The following ANKRD54 variants were observed in gnomAD, a reference collection of about 807,000 sequenced individuals.
The protein encoded by ANKRD54 is ankyrin repeat domain-containing protein 54.
In ANKRD54, 26 loss-of-function variants were observed where a neutral mutation model predicts 36.2. The observed-to-expected ratio is 0.72, with a 90% CI of 0.53 to 1.00. ANKRD54 has a LOEUF of 1.00. Ranked by LOEUF, ANKRD54 falls within the 50% of genes least tolerant of loss-of-function variation. ANKRD54 has a pLI of 0.00. For synonymous variants in ANKRD54, 209 were observed against 188.4 expected, an observed-to-expected ratio of 1.11 and a Z score of -0.89; for missense variants, 384 against 424.3, an observed-to-expected ratio of 0.91 and a Z score of 0.83.
At chr22:37,835,110 C>T (rs559425845) in intron 3 of ANKRD54, among the ~76,000 whole-genome samples, 196 of 152,134 alleles carry the variant, frequency 1.3e-3, no homozygotes, top group African/African-American at 4.7e-3. Flanking sequence ...CGCCTGTAAT[C>T]CCAGCACTTT....
upstream of ANKRD54, among the ~76,000 whole-genome samples, chr22:37,846,517 C>T (rs945426734): frequency 3.3e-5 from 5 of 152,128 alleles, no homozygotes; most frequent in Non-Finnish European, 2.9e-5. Flanking sequence ...TTTGTTCAGG[C>T]TGGTCTTGAA....
intron 1 of ANKRD54, 85 bp downstream of exon 1, chr22:37,843,826 C>T (rs1924589127): frequency 1.9e-6 from 2 of 1,047,972 alleles, no homozygotes; most frequent in East Asian, 4.0e-5. Context: ...CGGGGGCGAC[C>T]AAAGCGCGGC....
At chr22:37,847,678 C>T, upstream of ANKRD54, 1 of 483,844 alleles carries the variant, frequency 2.1e-6, no homozygotes, top group Non-Finnish European at 4.1e-6. Flanking sequence ...AAGCAAAGGA[C>T]CATGAGGACA....
At position 37,831,738 on chromosome 22, in the gene ANKRD54, T is replaced by C; in HGVS notation, c.*205A>G. On this transcript the variant is annotated 3_prime_UTR_variant, in exon 8 of 8. Coordinates refer to ENST00000215941, the MANE Select transcript of ANKRD54 (RefSeq NM_138797.4). ...AAGAAGCTGGGAGCTGTGGTCCCTG[T>C]CCACAGAGATGCTGGAAACTGTGGC... 3.4e-6 allele frequency: 2 copies of C among 585,038 alleles called. No homozygotes were observed. The highest frequency in any genetic ancestry group is 4.2e-5 in the South Asian group (2 of 47,792). The allele number at this position is 585,038 out of a possible 1,614,324, so 36.2% of individuals were successfully genotyped here. A position where few individuals can be genotyped will look rare whatever the true frequency, so the allele number is the denominator to read the frequency against.
upstream of ANKRD54, chr22:37,847,897 G>A (rs895617198): frequency 2.6e-5 from 7 of 273,976 alleles, no homozygotes; most frequent in African/African-American, 1.4e-4. Flanking sequence ...ATAGGATGTT[G>A]AGTGGATGGC....
At chr22:37,833,236 C>G in intron 4 of ANKRD54, 30 bp from the exon 5 acceptor site, 1 of 1,611,168 alleles carries the variant, frequency 6.2e-7, no homozygotes, top group Non-Finnish European at 8.5e-7. Flanking sequence ...ACTTAAGAAT[C>G]CAGGACCACC....
At chr22:37,840,161 T>C in intron 2 of ANKRD54, 26 bp downstream of exon 2, 3 of 1,613,970 alleles carry the variant, frequency 1.9e-6, no homozygotes, top group Non-Finnish European at 2.5e-6. Context: ...TGGGACCCTG[T>C]AGCTGGACCT....
At chr22:37,841,875 A>C (rs1318893547) in intron 1 of ANKRD54, among the ~76,000 whole-genome samples, 1 of 60,314 alleles carries the variant, frequency 1.7e-5, no homozygotes, top group Non-Finnish European at 2.7e-5. Flanking sequence ...AAATAAATAA[A>C]TAAATAAATA....
At chr22:37,833,893 T>C in intron 3 of ANKRD54, 138 bp from the exon 4 acceptor site, 1 of 697,886 alleles carries the variant, frequency 1.4e-6, no homozygotes, top group Non-Finnish European at 2.5e-6. Flanking sequence ...CTTCATTCAT[T>C]CACTCACTCA....
In ANKRD54 at chr22:37,840,190, T is replaced by C; in HGVS notation, c.373A>G (p.Thr125Ala). The change falls in exon 2 of 8, where the codon ACA becomes GCA. Residue 125 changes from threonine to alanine, a missense_variant. By Grantham distance (58) the Thr-to-Ala change is moderately conservative (BLOSUM62 0). Transcript: ENST00000215941. ...RDSANANDVE[T>A]VQQLLEDGAD... ...TGGACCTACTGTGCACACTCACCTG[T>C]TTCCACATCATTGGCATTGGCCGAG... is the stretch of plus-strand genomic sequence containing the variant. The C allele has an allele frequency of 1.2e-6, 2 of 1,614,072 alleles. No individual in the cohort carries two copies. Among genetic ancestry groups the C allele is most frequent in the Non-Finnish European group, 1.7e-6 (2 of 1,179,952 alleles).
chr22:37,842,298 T>C (rs1309577243), intron 1 of ANKRD54, among the ~76,000 whole-genome samples: 2 of 152,138 alleles, frequency 1.3e-5, no homozygotes, highest in Non-Finnish European at 2.9e-5. Flanking sequence ...AAGGAGAAAC[T>C]TGAAATGAGG....
chr22:37,844,806 G>C (rs1924735536), upstream of ANKRD54, among the ~76,000 whole-genome samples: 1 of 152,126 alleles, frequency 6.6e-6, no homozygotes, highest in Non-Finnish European at 1.5e-5. Context: ...TTGATCTCGA[G>C]ATGTGCCGGC....
upstream of ANKRD54, among the ~76,000 whole-genome samples, chr22:37,847,150 G>C (rs1161338996): frequency 3.3e-5 from 5 of 150,718 alleles, no homozygotes; most frequent in East Asian, 5.9e-4. Context: ...ACCGCGCCCG[G>C]CCAATTTCTT....
Position 37,838,497 on chromosome 22 carries a change from C to T in ANKRD54, c.475+3G>A. 6.2e-7 allele frequency: 1 copy of T among 1,610,206 alleles called. No individual in the cohort carries two copies. Among genetic ancestry groups the T allele is most frequent in the Non-Finnish European group, 8.5e-7 (1 of 1,178,362 alleles). On this transcript the variant is annotated splice_donor_region_variant and intron_variant, in intron 3 of 7. Coordinates refer to ENST00000215941, the MANE Select transcript of ANKRD54 (RefSeq NM_138797.4). ...TACTCCCTCCTCCCTCCCCAGGACTCACCAATCTGGTCATTGCCATTGCAT... is the reference window on the plus strand; with the variant it reads ...TACTCCCTCCTCCCTCCCCAGGACTTACCAATCTGGTCATTGCCATTGCAT...
chr22:37,840,282 G>A (rs1428693997), intron 1 of ANKRD54, 48 bp from the exon 2 acceptor site: 4 of 1,602,802 alleles, frequency 2.5e-6, no homozygotes, highest in East Asian at 2.2e-5. Flanking sequence ...GCCATGGCTG[G>A]GTGCGGTGGC....
chr22:37,846,610 T>A (rs1435435014), upstream of ANKRD54, among the ~76,000 whole-genome samples: 1 of 151,376 alleles, frequency 6.6e-6, no homozygotes, highest in African/African-American at 2.4e-5. Context: ...TGGGCCCCAA[T>A]TTTTTTTTAA....
chr22:37,846,053 T>C (rs891153757), upstream of ANKRD54, among the ~76,000 whole-genome samples: 1 of 151,418 alleles, frequency 6.6e-6, no homozygotes, highest in Non-Finnish European at 1.5e-5. Flanking sequence ...TGGGCACCTT[T>C]AGTCCCAGCT....
chr22:37,835,544 TG>T (rs1475431715), intron 3 of ANKRD54, among the ~76,000 whole-genome samples: 1 of 151,902 alleles, frequency 6.6e-6, no homozygotes, highest in African/African-American at 2.4e-5. Flanking sequence ...CAGTGGCTCA[TG>T]CTTGTAATCC....
chr22:37,833,906 C>T (rs1923212476), intron 3 of ANKRD54, 151 bp from the exon 4 acceptor site: 12 of 677,194 alleles, frequency 1.8e-5, no homozygotes, highest in Non-Finnish European at 2.5e-5. Context: ...CTCACTCACT[C>T]ACTTACTTAC....
Sources: gnomAD v4.1 joint callset for allele counts (sites outside exome capture counted in the v4.1 genomes callset) on GRCh38, gnomAD v4.1.1 for gene constraint, MANE v1.5 for transcripts, NCBI Gene and HGNC (gene_info 2026-07-23, HGNC 2026-07-21) for gene names.